CDH18: variants seen among roughly 807,000 people sequenced by gnomAD.
The protein encoded by CDH18 is cadherin 18, also known as cadherin-18.
In CDH18, 31 loss-of-function variants were observed where a neutral mutation model predicts 67.9. The ratio of observed to expected loss-of-function variants is 0.46; its 90% CI spans 0.34 to 0.62. The LOEUF (loss-of-function observed/expected upper bound fraction) is 0.62, where lower values mean the gene tolerates loss of function less well. Among genes scored for constraint, CDH18 ranks in the 20% least tolerant of loss-of-function variants. CDH18 has a pLI of 0.01. For synonymous variants in CDH18, 362 were observed against 347.2 expected, an observed-to-expected ratio of 1.04 and a Z score of -0.48; for missense variants, 890 against 975.5, an observed-to-expected ratio of 0.91 and a Z score of 1.17.
intron 2 of CDH18, among the ~76,000 whole-genome samples, chr5:19,847,859 T>C (rs907860896): frequency 2.0e-5 from 3 of 152,108 alleles, no homozygotes; most frequent in Admixed American, 2.0e-4. Flanking sequence ...GATCTCATAA[T>C]TTCTTGCTCT....
At chr5:19,891,543 A>G (rs984092130) in intron 2 of CDH18, among the ~76,000 whole-genome samples, 1 of 152,194 alleles carries the variant, frequency 6.6e-6, no homozygotes, top group African/African-American at 2.4e-5. Context: ...AATACAACTT[A>G]TAACAGCCCC....
chr5:20,213,833 T>A lies in CDH18; in HGVS notation c.-518+41611A>T, dbSNP rs139195451. ...TTACTAATTTTTAAAGAAAACCTAC[T>A]CCTGGATGTGTTGATCTTTTATACG... is the stretch of plus-strand genomic sequence containing the variant. On this transcript the variant is annotated intron_variant, in intron 2 of 14. Coordinates refer to the CDH18 transcript ENST00000507958. 5.8e-4 allele frequency among the ~76,000 whole-genome samples: 88 copies of A among 152,136 alleles called. No individual in the cohort carries two copies. The South Asian group carries it at 0.016, about 28-fold the overall frequency.
intron 1 of CDH18, among the ~76,000 whole-genome samples, chr5:20,419,654 T>G (rs1224677598): frequency 6.7e-6 from 1 of 150,334 alleles, no homozygotes; most frequent in East Asian, 1.9e-4. Flanking sequence ...ATTTTTTGTA[T>G]TTTTGGTAGA....
intron 2 of CDH18, among the ~76,000 whole-genome samples, chr5:20,190,531 A>AT (rs1738453723): frequency 6.6e-6 from 1 of 151,954 alleles, no homozygotes; most frequent in Non-Finnish European, 1.5e-5. Context: ...CCTGGATGGT[A>AT]TTTTTTTAAT....
chr5:20,571,898 T>C (rs1042444603), intron 1 of CDH18, among the ~76,000 whole-genome samples: 6 of 152,116 alleles, frequency 3.9e-5, no homozygotes, highest in Non-Finnish European at 8.8e-5. Context: ...GCTAAGTTCA[T>C]GGACTCATTA....
intron 5 of CDH18, among the ~76,000 whole-genome samples, chr5:19,684,825 T>C (rs1411916103): frequency 6.6e-6 from 1 of 152,110 alleles, no homozygotes; most frequent in Non-Finnish European, 1.5e-5. Context: ...CCTATTTTAT[T>C]ATAAAGCTCA....
At chr5:20,288,200 G>C (rs2974588) in intron 1 of CDH18, among the ~76,000 whole-genome samples, 1 of 151,536 alleles carries the variant, frequency 6.6e-6, no homozygotes, top group Non-Finnish European at 1.5e-5. Flanking sequence ...TTCAGAGGCA[G>C]AATCTCACTG....
chr5:20,179,041 G>A (rs1190279436), intron 2 of CDH18, among the ~76,000 whole-genome samples: 1 of 152,016 alleles, frequency 6.6e-6, no homozygotes, highest in East Asian at 1.9e-4. Context: ...AAATAAACTA[G>A]TAGCAATATA....
intron 1 of CDH18, among the ~76,000 whole-genome samples, chr5:20,507,713 C>A (rs1350743918): frequency 6.6e-6 from 1 of 152,000 alleles, no homozygotes; most frequent in Non-Finnish European, 1.5e-5. Flanking sequence ...GTTATTATTA[C>A]CACATTTTTA....
intron 5 of CDH18, among the ~76,000 whole-genome samples, chr5:19,651,711 T>A (rs1360242865): frequency 3.3e-5 from 5 of 152,152 alleles, no homozygotes; most frequent in Admixed American, 3.3e-4. Context: ...TTAACCTGCA[T>A]TTCTGTTTTC....
intron 1 of CDH18, among the ~76,000 whole-genome samples, chr5:20,541,034 G>T (rs977886397): frequency 6.6e-6 from 1 of 152,142 alleles, no homozygotes; most frequent in Non-Finnish European, 1.5e-5. Flanking sequence ...GTAGGGCTAC[G>T]TGCTATTTGG....
At chr5:19,499,447 G>A (rs763550956) in intron 11 of CDH18, among the ~76,000 whole-genome samples, 2 of 151,582 alleles carry the variant, frequency 1.3e-5, no homozygotes, top group African/African-American at 2.4e-5. Context: ...TAAAATTTCT[G>A]AACATATATA....
chr5:20,257,415 G>A (rs1285604369), intron 1 of CDH18, among the ~76,000 whole-genome samples: 3 of 151,994 alleles, frequency 2.0e-5, no homozygotes, highest in Non-Finnish European at 4.4e-5. Flanking sequence ...TTCTGCTAAG[G>A]TTAATATAGG....
At chr5:19,611,917 T>C (rs976624918) in intron 6 of CDH18, among the ~76,000 whole-genome samples, 1 of 151,324 alleles carries the variant, frequency 6.6e-6, no homozygotes, top group African/African-American at 2.4e-5. Context: ...CCTCATCTTA[T>C]CATATTAACT....
chr5:20,504,343 T>C, intron 1 of CDH18, among the ~76,000 whole-genome samples: 1 of 152,144 alleles, frequency 6.6e-6, no homozygotes, highest in East Asian at 1.9e-4. Context: ...CTCATATGAA[T>C]TATTATAATG....
chr5:20,525,935 G>GA (rs982632825), intron 1 of CDH18, among the ~76,000 whole-genome samples: 1 of 151,912 alleles, frequency 6.6e-6, no homozygotes, highest in Non-Finnish European at 1.5e-5. Context: ...TGAATTTAAA[G>GA]AAAAAACAGG....
intron 2 of CDH18, among the ~76,000 whole-genome samples, chr5:20,175,941 T>C (rs922124100): frequency 2.0e-5 from 3 of 152,132 alleles, no homozygotes; most frequent in South Asian, 2.1e-4. Flanking sequence ...AAGTTCACAC[T>C]CAGTATTAAC....
intron 2 of CDH18, among the ~76,000 whole-genome samples, chr5:19,926,357 C>A (rs1181365079): frequency 2.0e-5 from 3 of 152,152 alleles, no homozygotes; most frequent in African/African-American, 7.2e-5. Context: ...ACCATCAATT[C>A]ATTGTATTAT....
intron 1 of CDH18, among the ~76,000 whole-genome samples, chr5:20,526,189 C>A (rs998024781): frequency 1.3e-5 from 2 of 152,044 alleles, no homozygotes; most frequent in Middle Eastern, 3.2e-3. Flanking sequence ...TGGATCCAAC[C>A]CTTTTCACCA....
Sources: gnomAD v4.1 joint callset for allele counts (sites outside exome capture counted in the v4.1 genomes callset) on GRCh38, gnomAD v4.1.1 for gene constraint, MANE v1.5 for transcripts, NCBI Gene and HGNC (gene_info 2026-07-23, HGNC 2026-07-21) for gene names.